Variants in PTPRK observed in about 807,000 individuals in gnomAD.
The protein encoded by PTPRK is receptor-type tyrosine-protein phosphatase kappa.
Under a neutral mutation model 178.0 loss-of-function variants are expected in PTPRK, and 75 were observed. The observed-to-expected ratio is 0.42, with a 90% CI of 0.35 to 0.51. The LOEUF (loss-of-function observed/expected upper bound fraction) is 0.51, where lower values mean the gene tolerates loss of function less well. PTPRK is among the 20% of genes least tolerant of loss of function. PTPRK has a pLI of 0.02. For synonymous variants in PTPRK, 637 were observed against 620.6 expected (o/e 1.03, Z -0.39); for missense variants, 1,441 against 1,797.8 (o/e 0.80, Z 3.59).
intron 1 of PTPRK, chr6:128,491,772 T>G: frequency 1.9e-6 from 1 of 518,512 alleles, no homozygotes; most frequent in Non-Finnish European, 3.9e-6. Flanking sequence ...GGGTTCTGTG[T>G]GCGTGATAGA....
At chr6:128,416,974 TATA>T (rs1177143974) in intron 1 of PTPRK, among the ~76,000 whole-genome samples, 5 of 148,388 alleles carry the variant, frequency 3.4e-5, no homozygotes, top group Non-Finnish European at 5.9e-5. Context: ...ATTATATAGA[TATA>T]ATAATTATAA....
At chr6:128,172,616 T>C (rs184305147) in intron 7 of PTPRK, among the ~76,000 whole-genome samples, 118 of 151,786 alleles carry the variant, frequency 7.8e-4, no homozygotes, top group South Asian at 2.1e-3. Flanking sequence ...TATGTAGATA[T>C]ATATATATAG....
intron 1 of PTPRK, among the ~76,000 whole-genome samples, chr6:128,471,921 G>A (rs1412381574): frequency 6.6e-6 from 1 of 151,960 alleles, no homozygotes; most frequent in Non-Finnish European, 1.5e-5. Context: ...CTGTGTGCCA[G>A]CTTATGAGCG....
chr6:128,387,260 G>T (rs1209195846), intron 2 of PTPRK, among the ~76,000 whole-genome samples: 1 of 152,146 alleles, frequency 6.6e-6, no homozygotes, highest in Non-Finnish European at 1.5e-5. Context: ...TTAAAAGTAT[G>T]TCGCTTCATC....
chr6:128,391,861 T>C (rs2128364743), intron 2 of PTPRK, among the ~76,000 whole-genome samples: 1 of 152,190 alleles, frequency 6.6e-6, no homozygotes, highest in South Asian at 2.1e-4. Flanking sequence ...CTCATATCAT[T>C]ACTTAGGAAA....
rs560250954 is a variant in PTPRK, at chr6:128,144,616, T to A, written c.1162+39816A>T. 2.4e-4 allele frequency among the ~76,000 whole-genome samples: 36 copies of A among 152,302 alleles called. 1 individual carries two copies. Among genetic ancestry groups the A allele is most frequent in the Middle Eastern group, 6.8e-3 (2 of 294 alleles). On this transcript the variant is annotated intron_variant, in intron 7 of 29. Transcript: ENST00000368226. ...TTCCATTCCCTCACCTAGCACTGTT[T>A]TTTTCAATAGCACTTAAAATTCACA...
intron 5 of PTPRK, among the ~76,000 whole-genome samples, chr6:128,219,443 G>A (rs539471975): frequency 2.0e-5 from 3 of 152,212 alleles, no homozygotes; most frequent in African/African-American, 7.2e-5. Flanking sequence ...AGTAGAGTTC[G>A]TGCTCCTATG....
chr6:128,232,531 A>G (rs990242100), intron 5 of PTPRK, among the ~76,000 whole-genome samples: 1 of 152,214 alleles, frequency 6.6e-6, no homozygotes, highest in Admixed American at 6.5e-5. Context: ...ACAGCCCTAC[A>G]ATTACAAAGT....
chr6:128,348,292 C>T (rs1832682221), intron 2 of PTPRK, among the ~76,000 whole-genome samples: 2 of 151,742 alleles, frequency 1.3e-5, no homozygotes, highest in South Asian at 4.1e-4. Context: ...TAAAATTCTG[C>T]CAAAAAGAAG....
intron 13 of PTPRK, among the ~76,000 whole-genome samples, chr6:128,052,887 A>C (rs929768416): frequency 2.0e-5 from 3 of 152,108 alleles, no homozygotes; most frequent in Non-Finnish European, 4.4e-5. Context: ...TAGTTCAGCC[A>C]ATGAGGGGCC....
intron 1 of PTPRK, among the ~76,000 whole-genome samples, chr6:128,459,730 T>A (rs867547794): frequency 1.3e-5 from 2 of 152,326 alleles, no homozygotes; most frequent in Middle Eastern, 3.4e-3. Flanking sequence ...AGATAACAGT[T>A]GTCCATAATT....
At chr6:128,471,905 A>G (rs927278107) in intron 1 of PTPRK, among the ~76,000 whole-genome samples, 1 of 152,094 alleles carries the variant, frequency 6.6e-6, no homozygotes, top group Non-Finnish European at 1.5e-5. Context: ...GCAGAAGCAA[A>G]TAAGTCTGTG....
In PTPRK at chr6:128,345,698, G is replaced by T. The variant is rs62425672; in HGVS notation, c.224-23388C>A. 8.3e-3 allele frequency among the ~76,000 whole-genome samples: 1,260 copies of T among 152,254 alleles called. 16 individuals carry two copies. The highest frequency in any genetic ancestry group is 0.013 in the Non-Finnish European group (909 of 68,006). Reference sequence around the variant, plus strand: ...AATTCCTCTTCAGTACATAACTCAGGCTGGAGAGATAATATATGTGCTAAT... The same window carrying T: ...AATTCCTCTTCAGTACATAACTCAGTCTGGAGAGATAATATATGTGCTAAT... On this transcript the variant is annotated intron_variant, in intron 2 of 29. Transcript: ENST00000368226.
rs1841603485 is a variant in PTPRK at position 128,406,005 on chromosome 6, A to C, written c.101-8317T>G. On this transcript the variant is annotated intron_variant, in intron 1 of 29. Coordinates refer to ENST00000368226, the MANE Select transcript of PTPRK (RefSeq NM_002844.4). ...TTAAAATGCATCTTGAAATCAAAAA[A>C]CAAAAAAAAAGAACACTTTTTTAAG... 2.6e-5 allele frequency among the ~76,000 whole-genome samples: 4 copies of C among 152,170 alleles called. No homozygotes were observed. In the South Asian group the frequency reaches 8.3e-4, roughly 32 times the overall value.
intron 2 of PTPRK, among the ~76,000 whole-genome samples, chr6:128,343,105 T>G (rs1321426789): frequency 1.3e-5 from 2 of 152,216 alleles, no homozygotes; most frequent in Non-Finnish European, 2.9e-5. Context: ...ACATTTCTTT[T>G]AGAATCAAGA....
chr6:127,991,267 C>A (rs1776574128), intron 20 of PTPRK, 27 bp downstream of exon 20: 2 of 1,534,526 alleles, frequency 1.3e-6, no homozygotes, highest in Non-Finnish European at 8.9e-7. Context: ...ATTTTTATGA[C>A]AAAAAAATTC....
intron 2 of PTPRK, among the ~76,000 whole-genome samples, chr6:128,362,109 G>C (rs1369728590): frequency 6.6e-6 from 1 of 152,168 alleles, no homozygotes; most frequent in Non-Finnish European, 1.5e-5. Context: ...CTGGTTCACA[G>C]TTCTGCAAGC....
intron 29 of PTPRK, 23 bp downstream of exon 29, chr6:127,972,999 A>C: frequency 6.2e-7 from 1 of 1,612,144 alleles, no homozygotes; most frequent in Non-Finnish European, 8.5e-7. Flanking sequence ...GATGCCTTCC[A>C]AATCTAAGAT....
chr6:128,431,640 C>G (rs1045777707), intron 1 of PTPRK, among the ~76,000 whole-genome samples: 3 of 152,202 alleles, frequency 2.0e-5, no homozygotes, highest in African/African-American at 7.2e-5. Context: ...GTTAAACTAT[C>G]AAAAATCCTA....
Sources: gnomAD v4.1 joint callset for allele counts (sites outside exome capture counted in the v4.1 genomes callset) on GRCh38, gnomAD v4.1.1 for gene constraint, MANE v1.5 for transcripts, NCBI Gene and HGNC (gene_info 2026-07-23, HGNC 2026-07-21) for gene names.